SLC25A14: variants seen among roughly 807,000 people sequenced by gnomAD.
SLC25A14 encodes the protein brain mitochondrial carrier protein 1.
A neutral mutation model predicts 28.1 loss-of-function variants in SLC25A14; 8 were observed. The ratio of observed to expected loss-of-function variants is 0.28; its 90% confidence interval spans 0.17 to 0.51. The LOEUF is 0.51. Among genes scored for constraint, SLC25A14 ranks in the 20% least tolerant of loss-of-function variants. SLC25A14 has a pLI of 0.97. For missense variants in SLC25A14, 135 were observed against 263.8 expected (o/e 0.51, Z 3.38); for synonymous variants, 74 against 90.6 (o/e 0.82, Z 1.04).
At chrX:130,355,420 T>G (rs1393766096) in intron 6 of SLC25A14, among the ~76,000 whole-genome samples, 1 of 112,077 alleles carries the variant, frequency 8.9e-6, no homozygotes, top group Non-Finnish European at 1.9e-5. Context: ...GAGTAGAAAA[T>G]AACATAGTAC....
At chrX:130,344,040 T>C (rs2033347466) in intron 2 of SLC25A14, among the ~76,000 whole-genome samples, 1 of 112,147 alleles carries the variant, frequency 8.9e-6, no homozygotes, top group Non-Finnish European at 1.9e-5. Flanking sequence ...AAGTTGCTTT[T>C]GAAATTCAGA....
chrX:130,371,573 C>T lies in SLC25A14; in HGVS notation c.865C>T (p.His289Tyr). The change falls in exon 10 of 11, where the codon CAT (histidine) becomes TAT (tyrosine). Residue 289 changes from histidine (H) to tyrosine (Y), a missense_variant. His to Tyr is a moderately conservative substitution (Grantham distance 83, BLOSUM62 2). Coordinates refer to ENST00000545805, the MANE Select transcript of SLC25A14 (RefSeq NM_001282195.2). Reference protein sequence around the residue: ...TVDGILKMWKHEGFFALYKGF... With the variant: ...TVDGILKMWKYEGFFALYKGF... ...TATATCTTTCCTGCAGATGTGGAAA[C>T]ATGAGGGCTTTTTTGCACTCTATAA... 8.3e-7 allele frequency: 1 copy of T among 1,205,121 alleles called. No individual in the cohort carries two copies. The highest frequency in any genetic ancestry group is 3.0e-5 in the East Asian group (1 of 33,825).
chrX:130,367,875 C>T (rs896787708), intron 9 of SLC25A14, among the ~76,000 whole-genome samples: 14 of 112,074 alleles, frequency 1.2e-4, no homozygotes, highest in African/African-American at 3.6e-4. Context: ...CTCTGCCTCC[C>T]GTGTTCAAGC....
chrX:130,373,210 G>C lies in SLC25A14; in HGVS notation c.*260G>C. On this transcript the variant is annotated 3_prime_UTR_variant, in exon 11 of 11. Coordinates refer to ENST00000545805, the MANE Select transcript of SLC25A14 (RefSeq NM_001282195.2). ...CTTCTATGAAGATGGATACTGATGG[G>C]TGACATTGAAAACGGCCTGCTTTCC... The C allele has an allele frequency of 6.3e-6, 2 of 319,122 alleles. No homozygotes were observed. The highest frequency in any genetic ancestry group is 1.1e-5 in the Non-Finnish European group (2 of 187,099). The allele number at this position is 319,122 out of a possible 1,213,427, so 26.3% of individuals were successfully genotyped here.
chrX:130,341,018 T>G lies in SLC25A14; in HGVS notation c.75+665T>G, dbSNP rs760017578. ...TTCTTCTTGGCACAAACCATACTGA[T>G]GCCTGCTTCTACATGCTGTGCTTGT... On this transcript the variant is annotated intron_variant, in intron 2 of 10. Transcript: ENST00000545805. 1.3e-4 allele frequency among the ~76,000 whole-genome samples: 15 copies of G among 111,863 alleles called. No homozygotes were observed. The South Asian group carries it at 5.6e-3, about 42-fold the overall frequency.
chrX:130,350,862 T>C, intron 6 of SLC25A14, 131 bp downstream of exon 6: 1 of 373,123 alleles, frequency 2.7e-6, no homozygotes, highest in Non-Finnish European at 4.7e-6. Flanking sequence ...CTCAATTTCA[T>C]CATTTGAAAA....
intron 2 of SLC25A14, among the ~76,000 whole-genome samples, chrX:130,341,388 G>A (rs1156968939): frequency 8.9e-6 from 1 of 112,473 alleles, no homozygotes; most frequent in Non-Finnish European, 1.9e-5. Context: ...TATTGTCTTG[G>A]TGCTAGAACG....
At chrX:130,365,322 A>G (rs1283548425) in intron 8 of SLC25A14, 2 of 977,986 alleles carry the variant, frequency 2.0e-6, no homozygotes. Flanking sequence ...CTCTCCTTTA[A>G]AAAAAAGGCT....
At chrX:130,343,451 T>C (rs1427945277) in intron 2 of SLC25A14, among the ~76,000 whole-genome samples, 1 of 112,102 alleles carries the variant, frequency 8.9e-6, no homozygotes, top group Non-Finnish European at 1.9e-5. Flanking sequence ...TAGAATTCTT[T>C]TCAACAACTT....
intron 9 of SLC25A14, 21 bp downstream of exon 9, chrX:130,365,697 G>C: frequency 1.7e-6 from 2 of 1,160,705 alleles, no homozygotes; most frequent in Non-Finnish European, 2.3e-6. Flanking sequence ...TGTGGATTTG[G>C]GTTACAATTT....
intron 6 of SLC25A14, among the ~76,000 whole-genome samples, chrX:130,353,069 G>T (rs752850002): frequency 8.9e-6 from 1 of 112,049 alleles, no homozygotes; most frequent in East Asian, 2.8e-4. Context: ...TCTTTAATCT[G>T]TCTTGAGTTA....
chrX:130,365,402 T>C, intron 8 of SLC25A14, 139 bp from the exon 9 acceptor site: 1 of 1,059,213 alleles, frequency 9.4e-7, no homozygotes, highest in Non-Finnish European at 1.2e-6. Flanking sequence ...CCTGTCTCTT[T>C]AGATTGTAAC....
At chrX:130,345,068 GT>G in intron 2 of SLC25A14, 113 bp from the exon 3 acceptor site, 1 of 524,786 alleles carries the variant, frequency 1.9e-6, no homozygotes, top group East Asian at 3.5e-5. Flanking sequence ...ACTTGGTGGG[GT>G]TTTTCTTCTA....
At chrX:130,344,828 G>A (rs1281645280) in intron 2 of SLC25A14, among the ~76,000 whole-genome samples, 3 of 111,389 alleles carry the variant, frequency 2.7e-5, no homozygotes, top group Non-Finnish European at 5.7e-5. Context: ...TTGAATTCCG[G>A]GTTCCTTCAT....
Position 130,339,961 on chromosome X carries a change from C to G in SLC25A14, c.-188C>G. On this transcript the variant is annotated 5_prime_UTR_variant, in exon 1 of 11. Transcript: ENST00000545805. ...TGGGAGCCTCAGCTTCCCAGTCGTCCGATGAGCCCGAGCAGGTGAGGGGGA... is the reference window on the plus strand; with the variant it reads ...TGGGAGCCTCAGCTTCCCAGTCGTCGGATGAGCCCGAGCAGGTGAGGGGGA... 2.3e-6 allele frequency: 2 copies of G among 861,692 alleles called. No individual in the cohort carries two copies. Among genetic ancestry groups the G allele is most frequent in the Non-Finnish European group, 2.8e-6 (2 of 709,201 alleles). 71.0% of individuals were successfully genotyped at this position (861,692 alleles called of 1,213,427 possible).
At chrX:130,370,250 C>G (rs1343587277) in intron 9 of SLC25A14, among the ~76,000 whole-genome samples, 1 of 112,036 alleles carries the variant, frequency 8.9e-6, no homozygotes, top group African/African-American at 3.2e-5. Flanking sequence ...ATAATTATCT[C>G]TAGTATACTT....
chrX:130,358,764 A>G (rs1258013611), intron 7 of SLC25A14, 29 bp downstream of exon 7: 3 of 976,469 alleles, frequency 3.1e-6, no homozygotes, highest in African/African-American at 3.8e-5. Flanking sequence ...CTATTATCCT[A>G]CACTCTCAGT....
intron 3 of SLC25A14, among the ~76,000 whole-genome samples, chrX:130,346,042 G>A (rs1166632000): frequency 9.0e-6 from 1 of 110,847 alleles, no homozygotes; most frequent in Non-Finnish European, 1.9e-5. Context: ...ATAATATTAG[G>A]GGACTATTTG....
chrX:130,365,347 A>G, intron 8 of SLC25A14, 194 bp from the exon 9 acceptor site: 1 of 1,001,133 alleles, frequency 1.0e-6, no homozygotes, highest in South Asian at 3.8e-5. Flanking sequence ...TTCAGATTGA[A>G]AATTGAAGGG....
Sources: allele counts gnomAD v4.1 joint callset (sites outside exome capture counted in the v4.1 genomes callset), GRCh38; gene constraint gnomAD v4.1.1; transcripts MANE v1.5; gene names NCBI Gene and HGNC (gene_info 2026-07-23, HGNC 2026-07-21).